MIPEP: variants seen among roughly 807,000 people sequenced by gnomAD.
The protein encoded by MIPEP is mitochondrial intermediate peptidase.
MIPEP carries 79 observed loss-of-function variants against 90.3 expected under a neutral mutation model. That is an observed-to-expected ratio of 0.87 (90% CI 0.73 to 1.05). The LOEUF (loss-of-function observed/expected upper bound fraction) is 1.05, where lower values mean the gene tolerates loss of function less well. MIPEP is among the 50% of genes least tolerant of loss of function. The probability of loss-of-function intolerance (pLI) is 0.00; values close to 1 mark genes in which losing one functional copy is unlikely to be tolerated. For synonymous variants in MIPEP, 334 were observed against 315.8 expected, an observed-to-expected ratio of 1.06 and a Z score of -0.61; for missense variants, 940 against 905.6, an observed-to-expected ratio of 1.04 and a Z score of -0.49.
intron 3 of MIPEP, among the ~76,000 whole-genome samples, chr13:23,881,378 T>C (rs1239697412): frequency 2.0e-5 from 3 of 152,182 alleles, no homozygotes; most frequent in Non-Finnish European, 2.9e-5. Flanking sequence ...GTGTCTGTCA[T>C]CTCAGATTAT....
chr13:23,810,354 G>A (rs1274086504), intron 14 of MIPEP, among the ~76,000 whole-genome samples: 3 of 152,140 alleles, frequency 2.0e-5, no homozygotes, highest in East Asian at 1.9e-4. Context: ...CACAGTGTCC[G>A]CCAGTGTTAA....
At chr13:23,799,487 T>C (rs1593160908) in intron 16 of MIPEP, among the ~76,000 whole-genome samples, 1 of 151,940 alleles carries the variant, frequency 6.6e-6, no homozygotes, top group East Asian at 1.9e-4. Context: ...CCACCACGCC[T>C]GGCTAATTTT....
chr13:23,746,402 G>A (rs1952384125), intron 18 of MIPEP, among the ~76,000 whole-genome samples: 2 of 151,774 alleles, frequency 1.3e-5, no homozygotes. Context: ...GGGAGGCTGG[G>A]GCAGGTGAAT....
intron 14 of MIPEP, among the ~76,000 whole-genome samples, chr13:23,831,763 A>G (rs1402995627): frequency 6.6e-6 from 1 of 152,126 alleles, no homozygotes; most frequent in African/African-American, 2.4e-5. Flanking sequence ...TGCACCACCT[A>G]CCAATACCAC....
At chr13:23,747,554 A>G (rs747412575) in intron 18 of MIPEP, 1 of 512,996 alleles carries the variant, frequency 1.9e-6, no homozygotes. Context: ...GATAGGAGTA[A>G]GAGAACAGCT....
chr13:23,870,795 A>G lies in MIPEP; in HGVS notation c.604-600T>C, dbSNP rs1870768863. Among the ~76,000 whole-genome samples the G allele has an allele frequency of 3.3e-5, 5 of 151,526 alleles. 1 individual carries two copies. The South Asian group carries it at 1.0e-3, about 32-fold the overall frequency. ...ACTCCAGCCTGTGAGACAGAGGGAG[A>G]CTCTGTCTCAAAAAAAAACAAAAAA... On this transcript the variant is annotated intron_variant, in intron 5 of 18. Transcript: ENST00000382172.
intron 16 of MIPEP, among the ~76,000 whole-genome samples, chr13:23,796,018 T>C (rs560878312): frequency 1.4e-4 from 22 of 152,250 alleles, no homozygotes; most frequent in Admixed American, 9.2e-4. Flanking sequence ...CAATTGTTAA[T>C]ATGCTTGAGT....
intron 10 of MIPEP, among the ~76,000 whole-genome samples, chr13:23,850,322 T>A (rs1425937742): frequency 1.3e-5 from 2 of 152,152 alleles, no homozygotes; most frequent in Non-Finnish European, 2.9e-5. Flanking sequence ...TTTGGTTACA[T>A]AGAGAAGGTA....
intron 14 of MIPEP, among the ~76,000 whole-genome samples, chr13:23,820,191 C>A (rs1438311734): frequency 6.6e-6 from 1 of 152,144 alleles, no homozygotes; most frequent in Admixed American, 6.5e-5. Flanking sequence ...AGTTACTTGG[C>A]CTTCCCTTGA....
At chr13:23,790,530 G>A (rs1952887582) in intron 16 of MIPEP, among the ~76,000 whole-genome samples, 1 of 152,192 alleles carries the variant, frequency 6.6e-6, no homozygotes, top group African/African-American at 2.4e-5. Context: ...TGAATTATCT[G>A]AGTACGCCCT....
intron 18 of MIPEP, among the ~76,000 whole-genome samples, chr13:23,742,061 G>C (rs771207678): frequency 2.6e-5 from 4 of 152,188 alleles, no homozygotes; most frequent in African/African-American, 4.8e-5. Flanking sequence ...GGTCAGCAGA[G>C]CAGCTATTCG....
At chr13:23,805,918 T>G (rs1397505799) in intron 16 of MIPEP, 32 bp downstream of exon 16, 1 of 1,609,982 alleles carries the variant, frequency 6.2e-7, no homozygotes. Flanking sequence ...AACCACTCAA[T>G]ACACAAAACA....
chr13:23,814,507 T>A (rs1026638064), intron 14 of MIPEP, among the ~76,000 whole-genome samples: 4 of 152,054 alleles, frequency 2.6e-5, no homozygotes, highest in African/African-American at 9.7e-5. Flanking sequence ...GTGATCCGCC[T>A]GCCTCAGCCT....
chr13:23,860,186 G>T (rs933668035), intron 9 of MIPEP, among the ~76,000 whole-genome samples: 1 of 152,238 alleles, frequency 6.6e-6, no homozygotes, highest in Non-Finnish European at 1.5e-5. Flanking sequence ...CAGCCCACAA[G>T]AAGAGTATTT....
intron 16 of MIPEP, among the ~76,000 whole-genome samples, chr13:23,780,571 C>T (rs1952770811): frequency 6.6e-6 from 1 of 152,230 alleles, no homozygotes; most frequent in Non-Finnish European, 1.5e-5. Flanking sequence ...AGGAACACAG[C>T]TCCTCACCAG....
intron 5 of MIPEP, among the ~76,000 whole-genome samples, chr13:23,871,999 C>A (rs1310274529): frequency 6.6e-6 from 1 of 152,144 alleles, no homozygotes; most frequent in African/African-American, 2.4e-5. Flanking sequence ...TGAGTTCATG[C>A]CAACTTCAAT....
At chr13:23,775,109 CTGTG>C (rs57354012) in intron 16 of MIPEP, among the ~76,000 whole-genome samples, 2,589 of 149,170 alleles carry the variant, frequency 0.017, 55 homozygotes, top group East Asian at 0.054. Context: ...TATCAGTTCT[CTGTG>C]TGTGTGTGTG....
chr13:23,878,055 T>C (rs1244961051), intron 4 of MIPEP, among the ~76,000 whole-genome samples: 2 of 152,228 alleles, frequency 1.3e-5, no homozygotes, highest in African/African-American at 4.8e-5. Context: ...GCTAGCCCAC[T>C]ACAATTCTTT....
At chr13:23,867,721 T>C (rs1593200584) in intron 7 of MIPEP, among the ~76,000 whole-genome samples, 1 of 152,088 alleles carries the variant, frequency 6.6e-6, no homozygotes, top group Non-Finnish European at 1.5e-5. Context: ...GTAGATGATA[T>C]AAAACATAGG....
Sources: gnomAD v4.1 joint callset for allele counts (sites outside exome capture counted in the v4.1 genomes callset) on GRCh38, gnomAD v4.1.1 for gene constraint, MANE v1.5 for transcripts, NCBI Gene and HGNC (gene_info 2026-07-23, HGNC 2026-07-21) for gene names.